ZPBP: variants seen among roughly 807,000 people sequenced by gnomAD.
ZPBP encodes zona pellucida binding protein.
ZPBP carries 26 observed loss-of-function variants against 44.8 expected under a neutral mutation model. The observed-to-expected ratio is 0.58, with a 90% CI of 0.43 to 0.81. ZPBP has a LOEUF of 0.81. ZPBP is among the 30% of genes least tolerant of loss of function. ZPBP has a pLI of 0.00. For synonymous variants in ZPBP, 174 were observed against 153.2 expected, an observed-to-expected ratio of 1.14 and a Z score of -1.00; for missense variants, 409 against 434.0, an observed-to-expected ratio of 0.94 and a Z score of 0.51.
chr7:49,970,466 C>CT (rs771955717), intron 7 of ZPBP, among the ~76,000 whole-genome samples: 1 of 85,200 alleles, frequency 1.2e-5, no homozygotes, highest in Non-Finnish European at 2.2e-5. Context: ...GCTGAATATA[C>CT]TTTTTTTTTT....
At chr7:50,017,512 A>C (rs1002612795) in intron 6 of ZPBP, among the ~76,000 whole-genome samples, 1 of 152,136 alleles carries the variant, frequency 6.6e-6, no homozygotes, top group Non-Finnish European at 1.5e-5. Flanking sequence ...TGCCTGACTT[A>C]AACTATATTT....
intron 7 of ZPBP, among the ~76,000 whole-genome samples, chr7:49,971,863 A>G (rs1428811494): frequency 2.6e-5 from 4 of 152,058 alleles, no homozygotes; most frequent in Non-Finnish European, 5.9e-5. Context: ...TAGAAAACAA[A>G]ATTCAATAAC....
At chr7:50,080,822 T>C (rs1360879764) in intron 3 of ZPBP, among the ~76,000 whole-genome samples, 3 of 151,738 alleles carry the variant, frequency 2.0e-5, no homozygotes, top group African/African-American at 4.8e-5. Flanking sequence ...AATTGCACAA[T>C]CGTTCCTACT....
intron 2 of ZPBP, among the ~76,000 whole-genome samples, chr7:49,871,906 TAAAC>T (rs1562743684): frequency 1.2e-5 from 1 of 84,668 alleles, no homozygotes; most frequent in Non-Finnish European, 2.3e-5. Context: ...TGTGTGTATA[TAAAC>T]ACACACACAC....
chr7:50,086,170 C>T (rs964033706), intron 2 of ZPBP, among the ~76,000 whole-genome samples: 43 of 152,056 alleles, frequency 2.8e-4, no homozygotes, highest in African/African-American at 1.0e-3. Flanking sequence ...ACAGTTAGTT[C>T]AGAAACTCAC....
At chr7:49,848,077 G>T (rs532732951), downstream of ZPBP, among the ~76,000 whole-genome samples, 1 of 152,188 alleles carries the variant, frequency 6.6e-6, no homozygotes, top group Non-Finnish European at 1.5e-5. Context: ...GGTCTCAGTC[G>T]CTAATTAGAT....
At chr7:49,909,159 T>G (rs1373328350) in intron 1 of ZPBP, among the ~76,000 whole-genome samples, 1 of 152,222 alleles carries the variant, frequency 6.6e-6, no homozygotes, top group Non-Finnish European at 1.5e-5. Context: ...ACCAGATTTT[T>G]AATCCAGATT....
chr7:49,882,883 T>C (rs188079500), intron 2 of ZPBP, among the ~76,000 whole-genome samples: 5 of 152,208 alleles, frequency 3.3e-5, no homozygotes, highest in Non-Finnish European at 7.4e-5. Context: ...GTTGTTGTTG[T>C]TGTTTTGATC....
At chr7:49,931,341 G>A (rs569487502) in intron 1 of ZPBP, among the ~76,000 whole-genome samples, 39 of 152,208 alleles carry the variant, frequency 2.6e-4, no homozygotes, top group Middle Eastern at 3.2e-3. Flanking sequence ...GAAAATGTGG[G>A]AAAGTTTGGA....
rs1791480711 is a variant in ZPBP, at chr7:49,877,484, ATATATATATATAT to A, written n.509+23621_509+23633del. Among the ~76,000 whole-genome samples, 53 of 26,576 alleles carry A rather than the reference ATATATATATATAT, an allele frequency of 2.0e-3. 10 individuals carry two copies. The highest frequency in any genetic ancestry group is 0.015 in the Middle Eastern group (1 of 66). 17.4% of individuals were successfully genotyped at this position (26,576 alleles called of 152,430 possible). A position where few individuals can be genotyped will look rare whatever the true frequency, so the allele number is the denominator to read the frequency against. On this transcript the variant is annotated intron_variant and non_coding_transcript_variant, in intron 2 of 2. Transcript: ENST00000465922. ...TCTCAAAAAAAAAAAAAAAAAAAAT[ATATATATATATAT>A]ATATATATATATATATATATAGTTA...
intron 6 of ZPBP, among the ~76,000 whole-genome samples, chr7:49,985,261 T>C (rs1797210969): frequency 6.6e-6 from 1 of 152,228 alleles, no homozygotes; most frequent in African/African-American, 2.4e-5. Context: ...ATGTTTAATA[T>C]TAAAAATGTT....
intron 4 of ZPBP, among the ~76,000 whole-genome samples, chr7:50,050,937 G>C (rs1800663521): frequency 6.6e-6 from 1 of 151,832 alleles, no homozygotes; most frequent in Admixed American, 6.6e-5. Context: ...TTGACAAATG[G>C]GATCTAATTA....
intron 2 of ZPBP, among the ~76,000 whole-genome samples, chr7:49,861,872 T>C (rs1790664589): frequency 6.6e-6 from 1 of 152,248 alleles, no homozygotes; most frequent in South Asian, 2.1e-4. Flanking sequence ...CTTATGCCAG[T>C]ACCACACTGT....
At chr7:50,065,472 T>C (rs77975225) in intron 3 of ZPBP, among the ~76,000 whole-genome samples, 1 of 151,102 alleles carries the variant, frequency 6.6e-6, no homozygotes, top group Non-Finnish European at 1.5e-5. Context: ...CTTGGGCAGG[T>C]TGTTTTTCCT....
chr7:50,045,008 T>G (rs1800276879), intron 4 of ZPBP, among the ~76,000 whole-genome samples: 1 of 152,202 alleles, frequency 6.6e-6, no homozygotes, highest in Non-Finnish European at 1.5e-5. Flanking sequence ...CTCAAATCAA[T>G]AAACGTAATC....
At chr7:50,031,827 A>AACAC (rs560415719) in intron 4 of ZPBP, among the ~76,000 whole-genome samples, 6 of 151,292 alleles carry the variant, frequency 4.0e-5, no homozygotes, top group South Asian at 2.1e-4. Flanking sequence ...TGGAACTGAG[A>AACAC]ACACACACAC....
At position 50,057,973 on chromosome 7, in the gene ZPBP, T is replaced by G. The variant is rs200506791; in HGVS notation, c.487+16A>C. 1.7e-5 allele frequency: 28 copies of G among 1,602,390 alleles called. No individual in the cohort carries two copies. The Admixed American group carries it at 4.5e-4, about 26-fold the overall frequency. Reference sequence around the variant, plus strand: ...TCATTAAGAAAGGTTAAAACACAACTAACTTTACTTCTTACCATATATAGC... The same window carrying G: ...TCATTAAGAAAGGTTAAAACACAACGAACTTTACTTCTTACCATATATAGC... On this transcript the variant is annotated intron_variant, in intron 4 of 7. Coordinates refer to ENST00000046087, the MANE Select transcript of ZPBP (RefSeq NM_007009.3).
At chr7:49,845,299 A>T in the ZPBP span, among the ~76,000 whole-genome samples, 1 of 152,182 alleles carries the variant, frequency 6.6e-6, no homozygotes, top group East Asian at 1.9e-4. Flanking sequence ...GAAGGAAAAA[A>T]AAAAGGTGAT....
intron 1 of ZPBP, chr7:49,913,729 A>G (rs1228007524): frequency 1.3e-5 from 2 of 152,190 alleles, no homozygotes; most frequent in Non-Finnish European, 2.9e-5. Context: ...GGAGATTAGA[A>G]AGCCTTCCTA....
Sources: gnomAD v4.1 joint callset for allele counts (sites outside exome capture counted in the v4.1 genomes callset) on GRCh38, gnomAD v4.1.1 for gene constraint, MANE v1.5 for transcripts, NCBI Gene and HGNC (gene_info 2026-07-23, HGNC 2026-07-21) for gene names.